Variants in WDR72 observed in about 807,000 individuals in gnomAD.
The protein encoded by WDR72 is WD repeat domain 72.
WDR72 carries 120 observed loss-of-function variants against 124.2 expected under a neutral mutation model. The ratio of observed to expected loss-of-function variants is 0.97; its 90% CI spans 0.83 to 1.12. WDR72 has a LOEUF of 1.12. Ranked by LOEUF, WDR72 falls within the 50% of genes most tolerant of loss-of-function variation. The probability of loss-of-function intolerance (pLI) is 0.00; values close to 1 mark genes in which losing one functional copy is unlikely to be tolerated. For missense variants in WDR72, 1,387 were observed against 1,278.8 expected (o/e 1.08, Z -1.29); for synonymous variants, 452 against 441.7 (o/e 1.02, Z -0.29).
chr15:53,692,443 A>T (rs944431575), intron 13 of WDR72, among the ~76,000 whole-genome samples: 13 of 152,188 alleles, frequency 8.5e-5, no homozygotes. Flanking sequence ...TATAATAAAT[A>T]ATAGTTAATG....
rs949895952 is a variant in WDR72 at position 53,514,640 on chromosome 15, A to G, written c.*3059T>C. ...TTTCTAATACCATCATGTTCAAAGC[A>G]GCCTTAATTTAGTTTCTAAAATAGT... On this transcript the variant is annotated 3_prime_UTR_variant, in exon 20 of 20. Coordinates refer to ENST00000360509, the MANE Select transcript of WDR72 (RefSeq NM_182758.4). 1.3e-5 allele frequency: 2 copies of G among 152,174 alleles called. No individual in the cohort carries two copies. Among genetic ancestry groups the G allele is most frequent in the African/African-American group, 4.8e-5 (2 of 41,446 alleles). 9.4% of individuals were successfully genotyped at this position (152,174 alleles called of 1,614,324 possible). A position where few individuals can be genotyped will look rare whatever the true frequency, so the allele number is the denominator to read the frequency against.
chr15:53,574,905 T>A (rs918950281), intron 18 of WDR72, among the ~76,000 whole-genome samples: 6 of 151,140 alleles, frequency 4.0e-5, no homozygotes, highest in African/African-American at 1.5e-4. Flanking sequence ...CTGGAAAGGG[T>A]TAAAACAACT....
chr15:53,562,360 C>A (rs995325577), intron 18 of WDR72, among the ~76,000 whole-genome samples: 1 of 151,646 alleles, frequency 6.6e-6, no homozygotes, highest in African/African-American at 2.4e-5. Flanking sequence ...GGTTTGTACT[C>A]TAGAATGAAA....
At chr15:53,730,483 C>T (rs2018168433) in intron 2 of WDR72, among the ~76,000 whole-genome samples, 1 of 152,120 alleles carries the variant, frequency 6.6e-6, no homozygotes, top group African/African-American at 2.4e-5. Flanking sequence ...GTTTGTTTTT[C>T]CATTTTGCAT....
chr15:53,538,460 T>C lies in WDR72; in HGVS notation c.3149-15138A>G, dbSNP rs555392209. Reference sequence around the variant, plus strand: ...ATGGCAAACACATTAGTGGAGGAGGTCATTTGACGGTGTATACATCTAACA... The same window carrying C: ...ATGGCAAACACATTAGTGGAGGAGGCCATTTGACGGTGTATACATCTAACA... On this transcript the variant is annotated intron_variant, in intron 18 of 19. Transcript: ENST00000360509. Among the ~76,000 whole-genome samples the C allele has an allele frequency of 2.2e-4, 33 of 152,126 alleles. No individual in the cohort carries two copies. In the East Asian group the frequency reaches 4.1e-3, roughly 19 times the overall value.
chr15:53,585,953 A>G (rs1276290549), intron 18 of WDR72, among the ~76,000 whole-genome samples: 2 of 152,068 alleles, frequency 1.3e-5, no homozygotes. Context: ...GTGAATGTCT[A>G]TTCCTATGTG....
chr15:53,597,367 A>T lies in WDR72; in HGVS notation c.2953-93T>A, dbSNP rs1021812088. ...ATCCAAAGCCCGGAATTTAAATTTG[A>T]ATAGGTTTCCATAAACGATAACTTT... On this transcript the variant is annotated intron_variant, in intron 17 of 19. Transcript: ENST00000360509. 3.2e-6 allele frequency: 4 copies of T among 1,267,722 alleles called. No homozygotes were observed. In the East Asian group the frequency reaches 9.6e-5, roughly 30 times the overall value. 78.5% of individuals were successfully genotyped at this position (1,267,722 alleles called of 1,614,324 possible). A position where few individuals can be genotyped will look rare whatever the true frequency, so the allele number is the denominator to read the frequency against.
chr15:53,726,095 C>T (rs964326576), intron 2 of WDR72, among the ~76,000 whole-genome samples: 1 of 150,162 alleles, frequency 6.7e-6, no homozygotes, highest in Non-Finnish European at 1.5e-5. Context: ...AGATACGTGT[C>T]ATTATACATT....
chr15:53,644,059 G>T (rs2014953877), intron 14 of WDR72, among the ~76,000 whole-genome samples: 1 of 152,006 alleles, frequency 6.6e-6, no homozygotes, highest in African/African-American at 2.4e-5. Flanking sequence ...ATTACTTCAG[G>T]AATAAATTTC....
intron 13 of WDR72, among the ~76,000 whole-genome samples, chr15:53,674,746 T>A (rs1338866032): frequency 6.6e-6 from 1 of 152,188 alleles, no homozygotes; most frequent in Non-Finnish European, 1.5e-5. Flanking sequence ...CAATCTTCTG[T>A]ACCTTAAGGG....
At chr15:53,555,397 G>C (rs1304584357) in intron 18 of WDR72, among the ~76,000 whole-genome samples, 1 of 151,844 alleles carries the variant, frequency 6.6e-6, no homozygotes, top group African/African-American at 2.4e-5. Context: ...GAAAGAAATA[G>C]ATCTGGGGGA....
chr15:53,533,229 T>C (rs1033898392), intron 18 of WDR72, among the ~76,000 whole-genome samples: 1 of 151,938 alleles, frequency 6.6e-6, no homozygotes, highest in East Asian at 1.9e-4. Context: ...GGGAGGACAG[T>C]TTATTTATAT....
chr15:53,693,150 A>C (rs1219168765), intron 13 of WDR72, among the ~76,000 whole-genome samples: 1 of 152,186 alleles, frequency 6.6e-6, no homozygotes, highest in Non-Finnish European at 1.5e-5. Context: ...TGAGGAGAAA[A>C]CCAAGCAATA....
chr15:53,643,350 A>G (rs2014922691), intron 14 of WDR72, among the ~76,000 whole-genome samples: 1 of 152,134 alleles, frequency 6.6e-6, no homozygotes, highest in East Asian at 1.9e-4. Context: ...GTTTGTTGAG[A>G]ATACTTTTAT....
chr15:53,562,721 T>G (rs1295062427), intron 18 of WDR72, among the ~76,000 whole-genome samples: 1 of 151,836 alleles, frequency 6.6e-6, no homozygotes, highest in African/African-American at 2.4e-5. Context: ...AGAAGTGATT[T>G]CCTATCCCCT....
intron 1 of WDR72, among the ~76,000 whole-genome samples, chr15:53,754,481 T>A (rs1328992347): frequency 2.0e-5 from 3 of 151,904 alleles, no homozygotes; most frequent in Non-Finnish European, 2.9e-5. Flanking sequence ...GAAAAAAAAA[T>A]CCGTGGCAAA....
intron 18 of WDR72, among the ~76,000 whole-genome samples, chr15:53,579,789 T>C (rs1268375270): frequency 2.0e-5 from 3 of 152,070 alleles, no homozygotes; most frequent in African/African-American, 7.2e-5. Context: ...AGTACTAGGC[T>C]AAGTTCTAAC....
At chr15:53,607,102 T>C (rs1018217957) in intron 17 of WDR72, among the ~76,000 whole-genome samples, 3 of 152,118 alleles carry the variant, frequency 2.0e-5, no homozygotes, top group Admixed American at 1.3e-4. Context: ...TAAACATTCA[T>C]CGAATCAACG....
chr15:53,669,643 A>G (rs771710802), intron 13 of WDR72, among the ~76,000 whole-genome samples: 5 of 152,210 alleles, frequency 3.3e-5, no homozygotes, highest in African/African-American at 4.8e-5. Flanking sequence ...TTCCTTAAAT[A>G]TGTCTCCAAA....
Sources: allele counts gnomAD v4.1 joint callset (sites outside exome capture counted in the v4.1 genomes callset), GRCh38; gene constraint gnomAD v4.1.1; transcripts MANE v1.5; gene names NCBI Gene and HGNC (gene_info 2026-07-23, HGNC 2026-07-21).